Variants in FUCA1 observed in about 807,000 individuals in gnomAD.
FUCA1 encodes the protein tissue alpha-L-fucosidase.
Under a neutral mutation model 56.8 loss-of-function variants are expected in FUCA1, and 52 were observed. That is an observed-to-expected ratio of 0.92 (90% confidence interval 0.73 to 1.15). FUCA1 has a LOEUF of 1.15. FUCA1 is among the 50% of genes most tolerant of loss of function. FUCA1 has a pLI of 0.00. For synonymous variants in FUCA1, 230 were observed against 226.6 expected (o/e 1.02, Z -0.14); for missense variants, 568 against 592.6 (o/e 0.96, Z 0.43).
chr1:23,853,739 T>G (rs368281131), intron 5 of FUCA1, among the ~76,000 whole-genome samples: 34 of 151,324 alleles, frequency 2.2e-4, no homozygotes, highest in Admixed American at 1.6e-3. Context: ...TTCTGCCTTG[T>G]GATCCTGTTG....
intron 3 of FUCA1, among the ~76,000 whole-genome samples, chr1:23,862,570 T>C (rs1379686247): frequency 6.6e-6 from 1 of 152,136 alleles, no homozygotes; most frequent in East Asian, 1.9e-4. Context: ...GAAAGGCAAA[T>C]GGGGATAAAA....
At chr1:23,846,247 C>T in intron 6 of FUCA1, 74 bp from the exon 7 acceptor site, 1 of 939,804 alleles carries the variant, frequency 1.1e-6, no homozygotes, top group South Asian at 1.4e-5. Flanking sequence ...ACATTTCCTC[C>T]TTTTTAATGT....
intron 1 of FUCA1, among the ~76,000 whole-genome samples, chr1:23,866,680 A>G (rs930833531): frequency 6.6e-6 from 1 of 152,230 alleles, no homozygotes; most frequent in Admixed American, 6.5e-5. Flanking sequence ...AAAAACTGGC[A>G]GAGGACCAAT....
chr1:23,853,101 A>G (rs1198277674), intron 5 of FUCA1, among the ~76,000 whole-genome samples: 6 of 135,166 alleles, frequency 4.4e-5, no homozygotes, highest in East Asian at 4.5e-4. Context: ...CCATCGTCTG[A>G]GATGTGGGGA....
intron 5 of FUCA1, among the ~76,000 whole-genome samples, chr1:23,849,486 A>G (rs1467284665): frequency 6.6e-6 from 1 of 151,926 alleles, no homozygotes; most frequent in African/African-American, 2.4e-5. Context: ...TGGGCAGGGA[A>G]GCTGAGAATT....
At chr1:23,851,383 CACATACATACATACATACAT>C (rs35768557) in intron 5 of FUCA1, among the ~76,000 whole-genome samples, 15 of 146,974 alleles carry the variant, frequency 1.0e-4, no homozygotes, top group Middle Eastern at 3.2e-3. Context: ...AATAAATATA[CACATACATACATACATACAT>C]ACATACATAC....
rs772235239 is a variant in FUCA1 at position 23,858,402 on chromosome 1, T to C, written c.768+1396A>G. Among the ~76,000 whole-genome samples the C allele has an allele frequency of 3.9e-5, 6 of 152,172 alleles. No individual in the cohort carries two copies. In the East Asian group the frequency reaches 9.6e-4, roughly 24 times the overall value. On this transcript the variant is annotated intron_variant, in intron 4 of 7. Coordinates refer to ENST00000374479, the MANE Select transcript of FUCA1 (RefSeq NM_000147.5). The stretch of plus-strand genomic sequence containing the variant: ...GAGATTTATGAACTACCAAGGTACC[T>C]CAGTACAAACTGCTTTTACACTTAA...
chr1:23,864,711 T>C (rs1225054546), intron 2 of FUCA1, among the ~76,000 whole-genome samples: 2 of 151,234 alleles, frequency 1.3e-5, no homozygotes, highest in East Asian at 3.9e-4. Context: ...TTTTTCTTTT[T>C]TTTTTTTTTT....
rs546071187 is a variant in FUCA1, at chr1:23,851,256, C to T, written c.970-2417G>A. 1.1e-3 allele frequency among the ~76,000 whole-genome samples: 162 copies of T among 152,138 alleles called. 2 individuals carry two copies. Among genetic ancestry groups the T allele is most frequent in the Non-Finnish European group, 1.6e-3 (111 of 68,008 alleles). Reference sequence around the variant, plus strand: ...GCACGTGCCTGTATTCCCAGCTATTCGGGAGGCTGAGGCAGGAGAATTGCT... The same window carrying T: ...GCACGTGCCTGTATTCCCAGCTATTTGGGAGGCTGAGGCAGGAGAATTGCT... On this transcript the variant is annotated intron_variant, in intron 5 of 7. Coordinates refer to ENST00000374479, the MANE Select transcript of FUCA1 (RefSeq NM_000147.5).
intron 1 of FUCA1, among the ~76,000 whole-genome samples, chr1:23,866,971 G>A (rs1318585374): frequency 6.6e-6 from 1 of 152,080 alleles, no homozygotes; most frequent in Non-Finnish European, 1.5e-5. Flanking sequence ...CTTCTCTTTA[G>A]TACAAGTGAA....
chr1:23,855,701 G>A (rs955576201), intron 4 of FUCA1, among the ~76,000 whole-genome samples: 1 of 152,154 alleles, frequency 6.6e-6, no homozygotes, highest in African/African-American at 2.4e-5. Flanking sequence ...TCCAATGTCT[G>A]GTACTTGATT....
intron 6 of FUCA1, among the ~76,000 whole-genome samples, chr1:23,847,115 A>G (rs16828757): frequency 0.011 from 1,607 of 152,220 alleles, 26 homozygotes; most frequent in African/African-American, 0.036. Flanking sequence ...GAAGGTGTGC[A>G]GGAAGGAGGC....
chr1:23,867,820 C>A lies in FUCA1; in HGVS notation c.389+78G>T. On this transcript the variant is annotated intron_variant, in intron 1 of 7. Transcript: ENST00000374479. The surrounding 1 kb of genome is among the most constrained non-coding windows in gnomAD (Gnocchi z 4.9). ...ATGGGGGCGACCGGCAGCTGCGCGC[C>A]CCAGCTGGCCGCCCAGCCCCACCTC... 1 of 1,464,454 alleles carries A rather than the reference C, an allele frequency of 6.8e-7. No homozygotes were observed. Among genetic ancestry groups the A allele is most frequent in the Non-Finnish European group, 9.0e-7 (1 of 1,116,256 alleles). The allele number at this position is 1,464,454 out of a possible 1,614,324, so 90.7% of individuals were successfully genotyped here.
chr1:23,853,766 A>G (rs12124188), intron 5 of FUCA1, among the ~76,000 whole-genome samples: 1 of 150,058 alleles, frequency 6.7e-6, no homozygotes, highest in Non-Finnish European at 1.5e-5. Flanking sequence ...GACCCTACCC[A>G]CAACCCTGTG....
Position 23,867,974 on chromosome 1 carries a change from C to T in FUCA1, c.313G>A (p.Asp105Asn), listed in dbSNP as rs11549096. ...DNYPPGFSYADFGPQFTARFF... is the reference protein window; with the variant it reads ...DNYPPGFSYANFGPQFTARFF... ...CGCGCAGTGAACTGCGGTCCGAAGT[C>T]GGCGTAGCTGAAGCCGGGCGGGTAG... The change falls in exon 1 of 8, where the codon GAC becomes AAC. Residue 105 changes from aspartate (D) to asparagine (N), a missense_variant. Physicochemically the swap from Asp to Asn is conservative, Grantham distance 23 (BLOSUM62 1). Coordinates refer to ENST00000374479, the MANE Select transcript of FUCA1 (RefSeq NM_000147.5). The surrounding 1 kb of genome is among the most constrained non-coding windows in gnomAD (Gnocchi z 4.9). 6.3e-6 allele frequency: 10 copies of T among 1,595,962 alleles called. No individual in the cohort carries two copies. The East Asian group carries it at 1.6e-4, about 25-fold the overall frequency.
At chr1:23,857,588 C>G (rs557111603) in intron 4 of FUCA1, among the ~76,000 whole-genome samples, 1 of 152,160 alleles carries the variant, frequency 6.6e-6, no homozygotes, top group South Asian at 2.1e-4. Context: ...ACCTCCGCCT[C>G]CCGGGTTTAA....
chr1:23,855,867 T>A (rs1263179344), intron 4 of FUCA1, among the ~76,000 whole-genome samples: 1 of 152,186 alleles, frequency 6.6e-6, no homozygotes, highest in African/African-American at 2.4e-5. Flanking sequence ...AATAAGTATT[T>A]ACTCAACAAC....
At chr1:23,854,064 G>GAATAAATAAATA (rs200301178) in intron 5 of FUCA1, among the ~76,000 whole-genome samples, 25 of 150,154 alleles carry the variant, frequency 1.7e-4, no homozygotes, top group African/African-American at 5.9e-4. Context: ...GATCAATAAA[G>GAATAAATAAATA]AATAAATAAA....
intron 5 of FUCA1, among the ~76,000 whole-genome samples, chr1:23,849,523 A>C (rs141096867): frequency 6.6e-6 from 1 of 151,090 alleles, no homozygotes; most frequent in Non-Finnish European, 1.5e-5. Context: ...GCATTGGGCT[A>C]TATAAATGAA....
Sources: allele counts gnomAD v4.1 joint callset (sites outside exome capture counted in the v4.1 genomes callset), GRCh38; gene constraint gnomAD v4.1.1; non-coding constraint Gnocchi (gnomAD v3.1); transcripts MANE v1.5; gene names NCBI Gene and HGNC (gene_info 2026-07-23, HGNC 2026-07-21).